Variants in P2RX5 observed in about 807,000 individuals in gnomAD.
P2RX5 encodes P2X purinoceptor 5.
Under a neutral mutation model 54.1 loss-of-function variants are expected in P2RX5, and 46 were observed. The observed-to-expected ratio is 0.85, with a 90% confidence interval of 0.67 to 1.09. The LOEUF (loss-of-function observed/expected upper bound fraction) is 1.09, where lower values mean the gene tolerates loss of function less well. Among genes scored for constraint, P2RX5 ranks in the 50% least tolerant of loss-of-function variants. P2RX5 has a pLI of 0.00. For missense variants in P2RX5, 566 were observed against 549.8 expected (o/e 1.03, Z -0.29); for synonymous variants, 226 against 226.4 (o/e 1.00, Z 0.02).
At position 3,690,094 on chromosome 17, in the gene P2RX5, C is replaced by T. The variant is rs749495379; in HGVS notation, c.590G>A (p.Arg197His). The T allele has an allele frequency of 2.0e-5, 32 of 1,614,052 alleles. No homozygotes were observed. Among genetic ancestry groups the T allele is most frequent in the South Asian group, 2.0e-4 (18 of 91,094 alleles). The change falls in exon 6 of 12, where the codon CGT (arginine) becomes CAT (histidine). Residue 197 changes from arginine to histidine, a missense_variant. Arg to His is a conservative substitution (Grantham distance 29). Transcript: ENST00000225328. The stretch of plus-strand genomic sequence containing the variant: ...CTTGGAGAAGTTGAATTTGGGGAAA[C>T]GGATGTGGTTCTTTATGAAAATGGT... ...DFTIFIKNHI[R>H]FPKFNFSKSN...
At position 3,673,958 on chromosome 17, in the gene P2RX5, A is replaced by G. The variant is rs888069632; in HGVS notation, c.1260-81T>C. On this transcript the variant is annotated intron_variant, in intron 11 of 11. Coordinates refer to ENST00000225328, the MANE Select transcript of P2RX5 (RefSeq NM_002561.4). ...GTGAGGCAACCAGTGCCCAGGGAGAAGGGCCTTCCCAAGTCTGAAAAGAGC... is the reference window on the plus strand; with the variant it reads ...GTGAGGCAACCAGTGCCCAGGGAGAGGGGCCTTCCCAAGTCTGAAAAGAGC... 17 of 1,278,840 alleles carry G rather than the reference A, an allele frequency of 1.3e-5. No individual in the cohort carries two copies. The African/African-American group carries it at 2.5e-4, about 19-fold the overall frequency. 79.2% of individuals were successfully genotyped at this position (1,278,840 alleles called of 1,614,324 possible). A position where few individuals can be genotyped will look rare whatever the true frequency, so the allele number is the denominator to read the frequency against.
intron 11 of P2RX5, 136 bp downstream of exon 11, chr17:3,679,454 C>G (rs2050178999): frequency 2.6e-6 from 2 of 763,858 alleles, no homozygotes; most frequent in Admixed American, 2.2e-5. Flanking sequence ...CTCCCAGTTC[C>G]TAGATGTCCT....
At chr17:3,691,528 G>C (rs1030577235) in intron 2 of P2RX5, 116 bp downstream of exon 2, 1 of 1,306,168 alleles carries the variant, frequency 7.7e-7, no homozygotes, top group African/African-American at 1.5e-5. Context: ...CAGCTGTCTT[G>C]GGCCAAGAGA....
chr17:3,696,365 C>A (rs767852992), upstream of P2RX5: 15 of 177,506 alleles, frequency 8.5e-5, no homozygotes, highest in Admixed American at 6.3e-4. Context: ...TGCGCAGGAC[C>A]GCCCTGTGCT....
intron 9 of P2RX5, among the ~76,000 whole-genome samples, chr17:3,684,038 C>A (rs1281114959): frequency 1.3e-5 from 2 of 152,248 alleles, no homozygotes; most frequent in Non-Finnish European, 2.9e-5. Flanking sequence ...GGGCACTGAC[C>A]ACTCCCATGG....
At chr17:3,677,133 G>A in intron 11 of P2RX5, 3 of 985,416 alleles carry the variant, frequency 3.0e-6, no homozygotes, top group Non-Finnish European at 3.6e-6. Flanking sequence ...TGCGGTAGGT[G>A]GGTGTGGCCG....
chr17:3,691,126 GT>G, intron 2 of P2RX5, 99 bp from the exon 3 acceptor site: 1 of 884,042 alleles, frequency 1.1e-6, no homozygotes, highest in Non-Finnish European at 1.9e-6. Context: ...CTCTGCCTGG[GT>G]TTTGGGGATA....
In P2RX5 at chr17:3,689,571, T is replaced by C. The variant is rs559083812; in HGVS notation, c.674A>G (p.Lys225Arg). 1.6e-5 allele frequency: 26 copies of C among 1,614,194 alleles called. No homozygotes were observed. The highest frequency in any genetic ancestry group is 2.7e-5 in the African/African-American group (2 of 75,066). The change falls in exon 7 of 12, where the codon AAG becomes AGG. Residue 225 changes from lysine to arginine, a missense_variant. By Grantham distance (26) the Lys-to-Arg change is conservative. Transcript: ENST00000225328. ...TCGGAAGATGGGGCAGTAGTGGTTC[T>C]TGGGGCCAAAGTGGCATGATTTCAG... ...SFLKSCHFGP[K>R]NHYCPIFRLG...
chr17:3,715,581 A>G, the P2RX5 span, among the ~76,000 whole-genome samples: 4 of 152,308 alleles, frequency 2.6e-5, no homozygotes, highest in African/African-American at 9.6e-5. Context: ...AAGCAAGGTC[A>G]GGTGCTTATG....
chr17:3,714,910 C>T, the P2RX5 span: 1 of 1,609,802 alleles, frequency 6.2e-7, no homozygotes, highest in Non-Finnish European at 8.5e-7. Context: ...TCTCCAAGTT[C>T]AGTTGTTGAT....
the P2RX5 span, chr17:3,723,682 G>T: frequency 6.3e-7 from 1 of 1,589,400 alleles, no homozygotes; most frequent in African/African-American, 1.3e-5. Context: ...GGACGGCCGC[G>T]CTTACCTGAA....
Position 3,688,776 on chromosome 17 carries a change from T to C in P2RX5, c.754-17A>G. 3 of 1,613,736 alleles carry C rather than the reference T, an allele frequency of 1.9e-6. No homozygotes were observed. Among genetic ancestry groups the C allele is most frequent in the Non-Finnish European group, 2.5e-6 (3 of 1,179,856 alleles). ...CACGCCACCCTTGATAAAAGAGAGA[T>C]GAGGGTCAGCACACACAGCTTTCCG... On this transcript the variant is annotated splice_polypyrimidine_tract_variant and intron_variant, in intron 7 of 11. Transcript: ENST00000225328.
At chr17:3,701,022 T>A (rs904769895), upstream of P2RX5, among the ~76,000 whole-genome samples, 2 of 151,968 alleles carry the variant, frequency 1.3e-5, no homozygotes, top group Middle Eastern at 6.8e-3. Context: ...CTCACAGGAG[T>A]CCACATCACG....
At chr17:3,701,696 G>GAAAAA in the P2RX5 span, among the ~76,000 whole-genome samples, 105 of 73,420 alleles carry the variant, frequency 1.4e-3, 1 homozygote, top group African/African-American at 5.7e-3. Flanking sequence ...CTCTGTCTCA[G>GAAAAA]AAAAAAAAAA....
intron 8 of P2RX5, 139 bp downstream of exon 8, chr17:3,688,487 A>T: frequency 1.1e-6 from 1 of 926,072 alleles, no homozygotes; most frequent in Non-Finnish European, 1.8e-6. Context: ...TGGGGTCCAC[A>T]CCTCTCCTGG....
At chr17:3,677,694 A>G in intron 11 of P2RX5, 2 of 985,290 alleles carry the variant, frequency 2.0e-6, no homozygotes, top group South Asian at 9.4e-5. Flanking sequence ...AGGTTAGGTC[A>G]GCATCTCATT....
At chr17:3,680,413 G>T (rs112036694) in intron 10 of P2RX5, among the ~76,000 whole-genome samples, 6 of 91,160 alleles carry the variant, frequency 6.6e-5, no homozygotes, top group African/African-American at 9.3e-5. Context: ...TCCACCCAGC[G>T]TCCTCCACCC....
At chr17:3,689,834 ACACACACG>A (rs1356831642) in intron 6 of P2RX5, among the ~76,000 whole-genome samples, 7 of 152,274 alleles carry the variant, frequency 4.6e-5, no homozygotes, top group Non-Finnish European at 8.8e-5. Flanking sequence ...CAGACATCAC[ACACACACG>A]CACACACGCG....
intron 9 of P2RX5, among the ~76,000 whole-genome samples, chr17:3,683,794 C>T (rs1387163805): frequency 2.0e-5 from 3 of 151,444 alleles, no homozygotes; most frequent in Admixed American, 6.6e-5. Context: ...AAGTAACAGG[C>T]GCAAACATCC....
Sources: gnomAD v4.1 joint callset for allele counts (sites outside exome capture counted in the v4.1 genomes callset) on GRCh38, gnomAD v4.1.1 for gene constraint, MANE v1.5 for transcripts, NCBI Gene and HGNC (gene_info 2026-07-23, HGNC 2026-07-21) for gene names.